MSI2: variants seen among roughly 807,000 people sequenced by gnomAD.
MSI2 encodes RNA-binding protein Musashi homolog 2.
MSI2 carries 17 observed loss-of-function variants against 45.6 expected under a neutral mutation model. The ratio of observed to expected loss-of-function variants is 0.37; its 90% CI spans 0.26 to 0.56. The LOEUF (loss-of-function observed/expected upper bound fraction) is 0.56. Among genes scored for constraint, MSI2 ranks in the 20% least tolerant of loss-of-function variants. MSI2 has a pLI of 0.77. For missense variants in MSI2, 293 were observed against 444.2 expected, an observed-to-expected ratio of 0.66 and a Z score of 3.06; for synonymous variants, 156 against 158.2, an observed-to-expected ratio of 0.99 and a Z score of 0.11.
intron 7 of MSI2, among the ~76,000 whole-genome samples, chr17:57,544,922 C>T (rs1253589969): frequency 1.3e-5 from 2 of 152,186 alleles, no homozygotes; most frequent in African/African-American, 2.4e-5. Context: ...TACTATGCCT[C>T]ATACTACACT....
At chr17:57,555,160 G>A (rs1385177342) in intron 7 of MSI2, among the ~76,000 whole-genome samples, 1 of 152,186 alleles carries the variant, frequency 6.6e-6, no homozygotes, top group Non-Finnish European at 1.5e-5. Flanking sequence ...AGCCATACCT[G>A]AGGCTTCAGC....
intron 6 of MSI2, among the ~76,000 whole-genome samples, chr17:57,518,254 A>G (rs2086510952): frequency 6.6e-6 from 1 of 152,158 alleles, no homozygotes; most frequent in Non-Finnish European, 1.5e-5. Flanking sequence ...GAAGGTGCAG[A>G]TGGCCCATGG....
chr17:57,515,346 G>A (rs1371269729), intron 6 of MSI2, among the ~76,000 whole-genome samples: 1 of 152,204 alleles, frequency 6.6e-6, no homozygotes, highest in African/African-American at 2.4e-5. Flanking sequence ...TGGGATTACA[G>A]GCGCCTGTCA....
At chr17:57,570,579 C>G (rs2087851808) in intron 7 of MSI2, among the ~76,000 whole-genome samples, 1 of 152,198 alleles carries the variant, frequency 6.6e-6, no homozygotes, top group Admixed American at 6.5e-5. Flanking sequence ...TCCCTGCCTG[C>G]CTTCTTGTCC....
At chr17:57,600,541 TC>T (rs1905751669) in intron 8 of MSI2, among the ~76,000 whole-genome samples, 1 of 152,184 alleles carries the variant, frequency 6.6e-6, no homozygotes, top group Admixed American at 6.5e-5. Context: ...CCATTGCCCA[TC>T]TAATTGGGTC....
chr17:57,256,953 A>G (rs2044746149), intron 1 of MSI2, 145 bp from the exon 2 acceptor site: 3 of 1,174,550 alleles, frequency 2.6e-6, no homozygotes, highest in Admixed American at 5.5e-5. Flanking sequence ...TTTGGATTGC[A>G]TTTCGCCGTC....
chr17:57,285,336 T>C (rs1397436956), intron 5 of MSI2, among the ~76,000 whole-genome samples: 1 of 152,104 alleles, frequency 6.6e-6, no homozygotes, highest in Non-Finnish European at 1.5e-5. Flanking sequence ...TTAGAGCAAA[T>C]AGATTAGCAA....
chr17:57,411,412 T>C (rs1281538559), intron 6 of MSI2, among the ~76,000 whole-genome samples: 4 of 152,216 alleles, frequency 2.6e-5, no homozygotes, highest in Non-Finnish European at 5.9e-5. Context: ...TTCAACTAAG[T>C]TGGTATTTGT....
intron 6 of MSI2, among the ~76,000 whole-genome samples, chr17:57,434,884 T>C (rs1215476952): frequency 6.6e-6 from 1 of 152,138 alleles, no homozygotes; most frequent in East Asian, 1.9e-4. Context: ...CCAATTTTGA[T>C]TGAGTGTCTT....
At chr17:57,421,456 GAC>G (rs1429522163) in intron 6 of MSI2, among the ~76,000 whole-genome samples, 4 of 152,142 alleles carry the variant, frequency 2.6e-5, no homozygotes, top group Non-Finnish European at 2.9e-5. Flanking sequence ...AACAGTAAGA[GAC>G]AAGGCCTGGG....
At chr17:57,283,233 G>A (rs553240210) in intron 5 of MSI2, among the ~76,000 whole-genome samples, 4 of 152,048 alleles carry the variant, frequency 2.6e-5, no homozygotes, top group Admixed American at 1.3e-4. Flanking sequence ...CACTAAGGGC[G>A]GAATCTGGCC....
intron 6 of MSI2, among the ~76,000 whole-genome samples, chr17:57,421,478 C>T (rs569047102): frequency 7.2e-5 from 11 of 152,082 alleles, no homozygotes; most frequent in Non-Finnish European, 1.5e-4. Flanking sequence ...GAATGTAGAA[C>T]CTTCTAGACT....
rs539902726 is a variant in MSI2 at position 57,282,652 on chromosome 17, G to A, written c.312+20460G>A. The stretch of plus-strand genomic sequence containing the variant: ...GGTAGGAGTAGGTAGGGGTGGATAG[G>A]GGAGAAATATTTTAGCTTGTCTTCT... On this transcript the variant is annotated intron_variant, in intron 5 of 13. Coordinates refer to ENST00000284073, the MANE Select transcript of MSI2 (RefSeq NM_138962.4). 2.0e-5 allele frequency among the ~76,000 whole-genome samples: 3 copies of A among 152,174 alleles called. 1 individual carries two copies. The East Asian group carries it at 5.8e-4, about 29-fold the overall frequency.
chr17:57,698,287 C>T, the MSI2 span, among the ~76,000 whole-genome samples: 225 of 152,328 alleles, frequency 1.5e-3, no homozygotes, highest in African/African-American at 5.2e-3. Flanking sequence ...GAAAAGAAGG[C>T]TGACATGTCC....
chr17:57,403,543 G>A (rs960740223), intron 6 of MSI2, among the ~76,000 whole-genome samples: 2 of 152,180 alleles, frequency 1.3e-5, no homozygotes, highest in Non-Finnish European at 2.9e-5. Flanking sequence ...AGGATGTGCA[G>A]ACTTATCAAG....
chr17:57,519,311 G>T (rs2086535282), intron 6 of MSI2, among the ~76,000 whole-genome samples: 1 of 152,216 alleles, frequency 6.6e-6, no homozygotes, highest in South Asian at 2.1e-4. Flanking sequence ...AGTGAATTGA[G>T]CCAGTGTCTG....
chr17:57,288,391 T>C (rs1910111894), intron 5 of MSI2, among the ~76,000 whole-genome samples: 1 of 152,222 alleles, frequency 6.6e-6, no homozygotes, highest in African/African-American at 2.4e-5. Context: ...GTGTGCTGTT[T>C]AGCCTTCCAG....
intron 5 of MSI2, among the ~76,000 whole-genome samples, chr17:57,309,262 AG>A (rs1912170026): frequency 6.6e-6 from 1 of 152,214 alleles, no homozygotes; most frequent in Non-Finnish European, 1.5e-5. Context: ...TTTGGGGCTA[AG>A]GAACTTGTAA....
intron 5 of MSI2, among the ~76,000 whole-genome samples, chr17:57,355,150 G>GTCCCTCATCTC (rs962405442): frequency 2.6e-5 from 4 of 152,106 alleles, no homozygotes; most frequent in Admixed American, 2.6e-4. Context: ...GGCTCTCTCT[G>GTCCCTCATCTC]TCCCTCATCT....
Sources: gnomAD v4.1 joint callset for allele counts (sites outside exome capture counted in the v4.1 genomes callset) on GRCh38, gnomAD v4.1.1 for gene constraint, MANE v1.5 for transcripts, NCBI Gene and HGNC (gene_info 2026-07-23, HGNC 2026-07-21) for gene names.